C3orf20: variants seen among roughly 807,000 people sequenced by gnomAD.
The protein encoded by C3orf20 is uncharacterized protein C3orf20.
A neutral mutation model predicts 88.3 loss-of-function variants in C3orf20; 76 were observed. The observed-to-expected ratio is 0.86, with a 90% CI of 0.72 to 1.04. C3orf20 has a LOEUF of 1.04. Ranked by LOEUF, C3orf20 falls within the 50% of genes least tolerant of loss-of-function variation. C3orf20 has a pLI of 0.00. For missense variants in C3orf20, 1,056 were observed against 1,123.3 expected (o/e 0.94, Z 0.86); for synonymous variants, 436 against 437.4 (o/e 1.00, Z 0.04).
At chr3:14,725,776 GT>G (rs1328082031) in intron 10 of C3orf20, among the ~76,000 whole-genome samples, 1 of 151,078 alleles carries the variant, frequency 6.6e-6, no homozygotes, top group African/African-American at 2.4e-5. Flanking sequence ...ACAGAAGAGA[GT>G]TTTTTTCCTA....
chr3:14,736,943 C>T (rs1013011054), intron 12 of C3orf20, among the ~76,000 whole-genome samples: 4 of 152,152 alleles, frequency 2.6e-5, no homozygotes, highest in African/African-American at 4.8e-5. Context: ...TTGAAGATGT[C>T]GTTCTGCTGT....
At chr3:14,709,133 CAAATT>C (rs139305822) in intron 7 of C3orf20, among the ~76,000 whole-genome samples, 30,770 of 151,872 alleles carry the variant, frequency 0.2, 3,202 homozygotes, top group Non-Finnish European at 0.22. Context: ...AAAACATTGC[CAAATT>C]AAATTAAAGA....
chr3:14,730,480 G>C (rs2034505247), intron 12 of C3orf20, among the ~76,000 whole-genome samples: 1 of 152,156 alleles, frequency 6.6e-6, no homozygotes, highest in South Asian at 2.1e-4. Context: ...CCAGGAGGCG[G>C]AGCTTGCAGT....
At chr3:14,705,993 TG>T (rs2033485622) in intron 7 of C3orf20, among the ~76,000 whole-genome samples, 1 of 152,134 alleles carries the variant, frequency 6.6e-6, no homozygotes, top group Non-Finnish European at 1.5e-5. Context: ...TAGAGGGAGA[TG>T]GAAGTGGATC....
Position 14,682,797 on chromosome 3 carries a change from C to T in C3orf20, c.84C>T (p.Leu28=), listed in dbSNP as rs1431806520. Reference sequence around the variant, plus strand: ...AGCTACTGGCCCGCATCTCCAAACTCCTCATGATCTGCCAGAATGCAGGCA... The same window carrying T: ...AGCTACTGGCCCGCATCTCCAAACTTCTCATGATCTGCCAGAATGCAGGCA... The part of the protein sequence containing the change: ...APKLLARISK[L]LMICQNAGIS... Residue 28 remains leucine (L), a synonymous_variant, in exon 3 of 17, where the codon CTC becomes CTT. Coordinates refer to ENST00000253697, the MANE Select transcript of C3orf20 (RefSeq NM_032137.5). 2 of 1,614,170 alleles carry T rather than the reference C, an allele frequency of 1.2e-6. No individual in the cohort carries two copies. Among genetic ancestry groups the T allele is most frequent in the Admixed American group, 1.7e-5 (1 of 60,030 alleles).
chr3:14,676,627 C>T (rs2031786544), intron 1 of C3orf20, among the ~76,000 whole-genome samples: 1 of 152,158 alleles, frequency 6.6e-6, no homozygotes, highest in African/African-American at 2.4e-5. Flanking sequence ...ACACTCCTCC[C>T]CCCCATTTTG....
chr3:14,760,641 A>T (rs1281598018), intron 14 of C3orf20, among the ~76,000 whole-genome samples: 3 of 117,524 alleles, frequency 2.6e-5, no homozygotes, highest in African/African-American at 1.0e-4. Flanking sequence ...ACAGAGTCTC[A>T]CTCTCTCACC....
At chr3:14,761,291 C>T (rs548717334) in intron 14 of C3orf20, among the ~76,000 whole-genome samples, 182 bp from the exon 15 acceptor site, 32 of 151,292 alleles carry the variant, frequency 2.1e-4, no homozygotes, top group Admixed American at 1.4e-3. Flanking sequence ...TCAGCCATAC[C>T]TCCCTGGGCA....
chr3:14,760,546 C>T (rs1440801257), intron 14 of C3orf20, among the ~76,000 whole-genome samples: 2 of 151,688 alleles, frequency 1.3e-5, no homozygotes, highest in Non-Finnish European at 2.9e-5. Flanking sequence ...TGAGCATTTC[C>T]CCATGTCCTT....
At chr3:14,677,974 C>T (rs1416468448) in intron 1 of C3orf20, among the ~76,000 whole-genome samples, 1 of 151,922 alleles carries the variant, frequency 6.6e-6, no homozygotes, top group Non-Finnish European at 1.5e-5. Flanking sequence ...TGTTTGCCAA[C>T]TTCAGTAGTT....
intron 10 of C3orf20, 40 bp downstream of exon 10, chr3:14,721,824 G>A (rs1159876744): frequency 1.9e-6 from 3 of 1,610,268 alleles, no homozygotes; most frequent in South Asian, 2.2e-5. Flanking sequence ...CTGACCCCTG[G>A]GCATCTCAAC....
chr3:14,698,952 A>G (rs532139594), intron 5 of C3orf20, among the ~76,000 whole-genome samples: 3 of 152,144 alleles, frequency 2.0e-5, no homozygotes, highest in East Asian at 3.9e-4. Context: ...CTGATGTTCT[A>G]TTGTACTGTG....
rs774318828 is a variant in C3orf20 at position 14,761,563 on chromosome 3, T to C, written c.2443T>C (p.Ser815Pro). 1 of 1,613,960 alleles carries C rather than the reference T, an allele frequency of 6.2e-7. No individual in the cohort carries two copies. ...GAATCTGCTGAAACAGATCTTCCGGTCTCAACAGGATTACAAGATGGGCTA... is the reference window on the plus strand; with the variant it reads ...GAATCTGCTGAAACAGATCTTCCGGCCTCAACAGGATTACAAGATGGGCTA... ...KQNLLKQIFR[S>P]QQDYKMGYFL... The change falls in exon 15 of 17, where the codon TCT becomes CCT. Residue 815 changes from serine to proline, a missense_variant. Physicochemically the swap from Ser to Pro is moderately conservative, Grantham distance 74 (BLOSUM62 -1). Coordinates refer to ENST00000253697, the MANE Select transcript of C3orf20 (RefSeq NM_032137.5).
chr3:14,730,441 G>A (rs2034503287), intron 12 of C3orf20, among the ~76,000 whole-genome samples: 1 of 152,082 alleles, frequency 6.6e-6, no homozygotes, highest in Admixed American at 6.5e-5. Flanking sequence ...CAGCTACTCG[G>A]GAGGCTGAGG....
At chr3:14,728,377 G>A (rs1394472799) in intron 11 of C3orf20, 62 bp from the exon 12 acceptor site, 17 of 1,600,794 alleles carry the variant, frequency 1.1e-5, no homozygotes, top group Non-Finnish European at 6.0e-6. Context: ...TCCAGTCTGG[G>A]ACCAGGGGCA....
At chr3:14,731,413 A>G (rs1419762451) in intron 12 of C3orf20, among the ~76,000 whole-genome samples, 3 of 152,180 alleles carry the variant, frequency 2.0e-5, no homozygotes, top group Non-Finnish European at 4.4e-5. Flanking sequence ...GAGACTCATT[A>G]TATAGTTGTA....
intron 7 of C3orf20, among the ~76,000 whole-genome samples, chr3:14,708,868 T>C (rs1215723972): frequency 2.0e-5 from 3 of 152,164 alleles, no homozygotes; most frequent in Non-Finnish European, 4.4e-5. Flanking sequence ...GGTCTTGAAC[T>C]CCCGACCTTG....
rs1186751275 is a variant in C3orf20 at position 14,759,985 on chromosome 3, A to G, written c.2339A>G (p.Gln780Arg). 6.2e-7 allele frequency: 1 copy of G among 1,613,800 alleles called. No homozygotes were observed. The highest frequency in any genetic ancestry group is 1.3e-5 in the African/African-American group (1 of 74,926). Reference sequence around the variant, plus strand: ...ATGGTGAAGAAGAACTCTGTGGTGCAGGGGATGATTCTGGTGAGCCAGCAG... The same window carrying G: ...ATGGTGAAGAAGAACTCTGTGGTGCGGGGGATGATTCTGGTGAGCCAGCAG... ...PLMVKKNSVV[Q>R]GMILMFAGGK... The change falls in exon 14 of 17, where the codon CAG becomes CGG. Residue 780 changes from glutamine to arginine, a missense_variant. By Grantham distance (43) the Gln-to-Arg change is conservative (BLOSUM62 1). Transcript: ENST00000253697.
intron 11 of C3orf20, 28 bp from the exon 12 acceptor site, chr3:14,728,411 A>C: frequency 6.2e-7 from 1 of 1,612,348 alleles, no homozygotes; most frequent in Non-Finnish European, 8.5e-7. Flanking sequence ...CATGAAGGGA[A>C]AATGACAGCA....
Sources: allele counts gnomAD v4.1 joint callset (sites outside exome capture counted in the v4.1 genomes callset), GRCh38; gene constraint gnomAD v4.1.1; transcripts MANE v1.5; gene names NCBI Gene and HGNC (gene_info 2026-07-23, HGNC 2026-07-21).